Variants in GEMIN8 observed in about 807,000 individuals in gnomAD.
GEMIN8 encodes the protein gem-associated protein 8.
For missense variants in GEMIN8, 185 were observed against 205.9 expected, an observed-to-expected ratio of 0.90 and a Z score of 0.62; for synonymous variants, 80 against 78.5, an observed-to-expected ratio of 1.02 and a Z score of -0.10.
the GEMIN8 span, among the ~76,000 whole-genome samples, chrX:14,000,440 C>T: frequency 6.4e-5 from 7 of 110,230 alleles, no homozygotes; most frequent in African/African-American, 2.0e-4. Context: ...ACTAAAAACA[C>T]AAAAAAATTA....
At chrX:14,016,078 G>T (rs368296578) in intron 4 of GEMIN8, among the ~76,000 whole-genome samples, 35 of 111,601 alleles carry the variant, frequency 3.1e-4, no homozygotes, top group African/African-American at 8.8e-4. Flanking sequence ...TCTTACTGGT[G>T]CAAGATCGGG....
chrX:14,021,020 G>A (rs1308372323), intron 3 of GEMIN8, among the ~76,000 whole-genome samples: 1 of 110,863 alleles, frequency 9.0e-6, no homozygotes, highest in Non-Finnish European at 1.9e-5. Context: ...TAAATGCCTG[G>A]GGTAAGAGAT....
At chrX:14,018,398 T>A (rs1236517514) in intron 4 of GEMIN8, among the ~76,000 whole-genome samples, 1 of 112,553 alleles carries the variant, frequency 8.9e-6, no homozygotes, top group Non-Finnish European at 1.9e-5. Context: ...ACCTTTGAGA[T>A]GACTGGGATT....
the GEMIN8 span, among the ~76,000 whole-genome samples, chrX:13,985,747 T>C: frequency 9.0e-6 from 1 of 111,520 alleles, no homozygotes; most frequent in African/African-American, 3.3e-5. Context: ...GAGGTATTAA[T>C]ACTCTTCTCT....
intron 4 of GEMIN8, among the ~76,000 whole-genome samples, chrX:14,018,752 CTTTCT>C (rs957212591): frequency 1.1e-4 from 11 of 104,717 alleles, no homozygotes; most frequent in African/African-American, 2.8e-4. Context: ...TTTTTCTTTT[CTTTCT>C]TTTCTTTTCT....
intron 1 of GEMIN8, among the ~76,000 whole-genome samples, chrX:14,027,747 T>A (rs1603206168): frequency 8.9e-6 from 1 of 112,538 alleles, no homozygotes; most frequent in South Asian, 3.7e-4. Context: ...ATGGGTTTAT[T>A]TGCAAGTTCT....
the GEMIN8 span, among the ~76,000 whole-genome samples, chrX:13,993,953 G>A: frequency 1.8e-5 from 2 of 110,979 alleles, no homozygotes; most frequent in Non-Finnish European, 3.8e-5. Flanking sequence ...AGCTCCCCAG[G>A]ATATTCTAAC....
At chrX:13,998,742 C>A in the GEMIN8 span, among the ~76,000 whole-genome samples, 2 of 111,618 alleles carry the variant, frequency 1.8e-5, no homozygotes, top group Admixed American at 9.6e-5. Flanking sequence ...GCATGAGCCA[C>A]TGCACTTGGC....
the GEMIN8 span, among the ~76,000 whole-genome samples, chrX:13,993,849 G>A: frequency 9.0e-6 from 1 of 111,612 alleles, no homozygotes; most frequent in Non-Finnish European, 1.9e-5. Flanking sequence ...AGCATCACCT[G>A]GGAGCTTGAC....
At chrX:14,010,390 G>C (rs1208857902) in intron 4 of GEMIN8, among the ~76,000 whole-genome samples, 1 of 111,920 alleles carries the variant, frequency 8.9e-6, no homozygotes, top group Non-Finnish European at 1.9e-5. Context: ...GAAATTGACA[G>C]CAGGGAACAC....
At chrX:13,988,802 A>T in the GEMIN8 span, 11 of 99,416 alleles carry the variant, frequency 1.1e-4, no homozygotes, top group Admixed American at 1.3e-3. Context: ...GTATCATTCC[A>T]TGTCAATACA....
chrX:14,008,842 G>A lies in GEMIN8; in HGVS notation c.*71C>T. 2.0e-6 allele frequency: 2 copies of A among 1,021,668 alleles called. No homozygotes were observed. The highest frequency in any genetic ancestry group is 3.7e-5 in the African/African-American group (2 of 53,696). The allele number at this position is 1,021,668 out of a possible 1,213,427, so 84.2% of individuals were successfully genotyped here. A position where few individuals can be genotyped will look rare whatever the true frequency, so the allele number is the denominator to read the frequency against. On this transcript the variant is annotated 3_prime_UTR_variant, in exon 5 of 5. Transcript: ENST00000680255. ...ACAAAGTCCCCTTTCCCTAAGAAAT[G>A]TACAGAAGGAGAGATAAAGAGCGTG...
the GEMIN8 span, among the ~76,000 whole-genome samples, chrX:13,987,525 T>C: frequency 9.9e-5 from 11 of 111,397 alleles, no homozygotes; most frequent in South Asian, 3.8e-4. Context: ...CCTCATCCCA[T>C]TGTCAAGGGC....
At chrX:13,990,046 C>T in the GEMIN8 span, among the ~76,000 whole-genome samples, 1 of 112,442 alleles carries the variant, frequency 8.9e-6, no homozygotes, top group South Asian at 3.7e-4. Context: ...CTGTTGGGCA[C>T]CTGAAATGTG....
Position 14,020,396 on chromosome X carries a change from G to A in GEMIN8, c.154C>T (p.Leu52Phe), listed in dbSNP as rs1435528831. 2 of 1,207,668 alleles carry A rather than the reference G, an allele frequency of 1.7e-6. No individual in the cohort carries two copies. The highest frequency in any genetic ancestry group is 2.2e-6 in the Non-Finnish European group (2 of 892,960). ...YRKAVESCFN[L>F]PWYLPSALLP... ...AGCGCAGAAGGTAAGTACCATGGAA[G>A]ATTGAAACAGGATTCCACGGCCTTC... Residue 52 changes from leucine (L) to phenylalanine (F), a missense_variant, in exon 4 of 5, where the codon CTT (leucine) becomes TTT (phenylalanine). By Grantham distance (22) the Leu-to-Phe change is conservative. Coordinates refer to ENST00000680255, the MANE Select transcript of GEMIN8 (RefSeq NM_001042479.2).
intron 4 of GEMIN8, among the ~76,000 whole-genome samples, chrX:14,011,838 CT>C (rs201060372): frequency 1.8e-5 from 2 of 109,411 alleles, no homozygotes; most frequent in Middle Eastern, 4.8e-3. Context: ...ACTTTTGCAT[CT>C]TTTTTTTTCT....
At chrX:13,996,813 G>A in the GEMIN8 span, among the ~76,000 whole-genome samples, 1 of 111,560 alleles carries the variant, frequency 9.0e-6, no homozygotes, top group Non-Finnish European at 1.9e-5. Flanking sequence ...ATCAAGAGGT[G>A]GAGCCTATTT....
chrX:14,002,690 G>A (rs1923017570), downstream of GEMIN8, among the ~76,000 whole-genome samples: 1 of 110,804 alleles, frequency 9.0e-6, no homozygotes, highest in Non-Finnish European at 1.9e-5. Context: ...TATTAGTACA[G>A]ACAGTTTTAC....
rs181366253 is a variant in GEMIN8, at chrX:14,018,044, A to T, written c.472+2034T>A. 2.6e-4 allele frequency among the ~76,000 whole-genome samples: 29 copies of T among 112,731 alleles called. No homozygotes were observed. The East Asian group carries it at 4.5e-3, about 17-fold the overall frequency. On this transcript the variant is annotated intron_variant, in intron 4 of 4. Transcript: ENST00000680255. ...CCTAGCTCATTCTGTAAAATGTCCC[A>T]CAGAATCACTGCAAGTGTAGCACTC... is the stretch of plus-strand genomic sequence containing the variant.
Sources: allele counts gnomAD v4.1 joint callset (sites outside exome capture counted in the v4.1 genomes callset), GRCh38; gene constraint gnomAD v4.1.1; transcripts MANE v1.5; gene names NCBI Gene and HGNC (gene_info 2026-07-23, HGNC 2026-07-21).